Variants in GRIN2A observed in about 807,000 individuals in gnomAD.
The protein encoded by GRIN2A is glutamate receptor ionotropic, NMDA 2A.
Under a neutral mutation model 113.4 loss-of-function variants are expected in GRIN2A, and 22 were observed. That is an observed-to-expected ratio of 0.19 (90% CI 0.14 to 0.28). The LOEUF (loss-of-function observed/expected upper bound fraction) is 0.28, where lower values mean the gene tolerates loss of function less well. Ranked by LOEUF, GRIN2A falls within the 10% of genes least tolerant of loss-of-function variation. GRIN2A has a pLI of 1.00. For missense variants in GRIN2A, 1,502 were observed against 1,887.0 expected, an observed-to-expected ratio of 0.80 and a Z score of 3.78; for synonymous variants, 827 against 738.4, an observed-to-expected ratio of 1.12 and a Z score of -1.94.
chr16:9,871,265 T>G (rs1376911437), intron 4 of GRIN2A, among the ~76,000 whole-genome samples: 3 of 152,128 alleles, frequency 2.0e-5, no homozygotes, highest in Non-Finnish European at 4.4e-5. Context: ...AGAAACAGTT[T>G]TCTGGCTCCT....
At chr16:10,035,019 T>C (rs551115600) in intron 2 of GRIN2A, among the ~76,000 whole-genome samples, 2 of 152,116 alleles carry the variant, frequency 1.3e-5, no homozygotes, top group South Asian at 4.1e-4. Flanking sequence ...TTTGACTTCA[T>C]CTTCACTTTC....
chr16:9,784,760 C>G (rs1311221573), intron 11 of GRIN2A, among the ~76,000 whole-genome samples: 1 of 152,086 alleles, frequency 6.6e-6, no homozygotes, highest in African/African-American at 2.4e-5. Flanking sequence ...AACAAACAAC[C>G]CCATCAAAAA....
At chr16:9,900,385 A>C (rs1471121217) in intron 3 of GRIN2A, among the ~76,000 whole-genome samples, 1 of 152,102 alleles carries the variant, frequency 6.6e-6, no homozygotes, top group Non-Finnish European at 1.5e-5. Flanking sequence ...TGGGCATCCA[A>C]CTCTATTCAG....
intron 2 of GRIN2A, among the ~76,000 whole-genome samples, chr16:10,177,339 C>A (rs1373770129): frequency 6.6e-6 from 1 of 152,150 alleles, no homozygotes; most frequent in Non-Finnish European, 1.5e-5. Flanking sequence ...ACATGGGGAC[C>A]AGACATATAC....
At position 10,021,816 on chromosome 16, in the gene GRIN2A, C is replaced by T. The variant is rs139381446; in HGVS notation, c.415-83265G>A. 4.7e-4 allele frequency among the ~76,000 whole-genome samples: 71 copies of T among 152,020 alleles called. 1 individual carries two copies. The highest frequency in any genetic ancestry group is 4.9e-4 in the Non-Finnish European group (33 of 67,986). On this transcript the variant is annotated intron_variant, in intron 2 of 12. Coordinates refer to ENST00000330684, the MANE Select transcript of GRIN2A (RefSeq NM_001134407.3). ...TGCCAAAGTCAATGTCCATCAAGCC[C>T]GTTCAGGACACTCTGAGTGACCTTA...
intron 2 of GRIN2A, among the ~76,000 whole-genome samples, chr16:10,024,129 C>A (rs965364705): frequency 5.9e-5 from 9 of 152,190 alleles, no homozygotes; most frequent in African/African-American, 1.9e-4. Context: ...AAATCGAGCC[C>A]ATGAGGCTTC....
chr16:10,021,904 G>C (rs1275432063), intron 2 of GRIN2A, among the ~76,000 whole-genome samples: 1 of 152,022 alleles, frequency 6.6e-6, no homozygotes, highest in South Asian at 2.1e-4. Flanking sequence ...CCCAGTGATG[G>C]GGATCATCAT....
At chr16:9,968,307 T>C (rs55971360) in intron 2 of GRIN2A, among the ~76,000 whole-genome samples, 38 of 152,004 alleles carry the variant, frequency 2.5e-4, no homozygotes, top group Non-Finnish European at 4.1e-4. Context: ...TATGTATGTA[T>C]ACATGTACGT....
intron 2 of GRIN2A, among the ~76,000 whole-genome samples, chr16:9,957,799 T>C (rs2045340634): frequency 6.6e-6 from 1 of 152,166 alleles, no homozygotes; most frequent in Non-Finnish European, 1.5e-5. Context: ...CTGGACCTCT[T>C]TGAACCTCAC....
At chr16:9,923,354 G>A (rs1248329373) in intron 3 of GRIN2A, among the ~76,000 whole-genome samples, 1 of 152,030 alleles carries the variant, frequency 6.6e-6, no homozygotes, top group Non-Finnish European at 1.5e-5. Context: ...TTTAAAGTGG[G>A]TTTCTTATGG....
At chr16:9,792,305 C>T (rs1040240212) in intron 11 of GRIN2A, among the ~76,000 whole-genome samples, 2 of 152,138 alleles carry the variant, frequency 1.3e-5, no homozygotes, top group Non-Finnish European at 2.9e-5. Context: ...TCACTGCAGC[C>T]TCAAACTCCT....
intron 2 of GRIN2A, among the ~76,000 whole-genome samples, chr16:10,056,309 C>T (rs974349199): frequency 2.0e-5 from 3 of 152,096 alleles, no homozygotes; most frequent in Non-Finnish European, 1.5e-5. Context: ...TTGATCCATT[C>T]AACCCTACAT....
intron 2 of GRIN2A, among the ~76,000 whole-genome samples, chr16:10,118,289 G>T (rs892232866): frequency 6.6e-6 from 1 of 152,126 alleles, no homozygotes; most frequent in African/African-American, 2.4e-5. Flanking sequence ...TTTGGCTTCA[G>T]GTTCTCATTT....
Position 9,762,160 on chromosome 16 carries a change from T to C in GRIN2A, c.*989A>G, listed in dbSNP as rs1900613094. On this transcript the variant is annotated 3_prime_UTR_variant, in exon 13 of 13. Coordinates refer to ENST00000330684, the MANE Select transcript of GRIN2A (RefSeq NM_001134407.3). ...TCTGGGAAGAGCGATACACAGCTAATTGGACACCACCATGGCTGTTTGGAA... is the reference window on the plus strand; with the variant it reads ...TCTGGGAAGAGCGATACACAGCTAACTGGACACCACCATGGCTGTTTGGAA... The C allele has an allele frequency of 4.6e-6, 1 of 217,698 alleles. No homozygotes were observed. Among genetic ancestry groups the C allele is most frequent in the South Asian group, 1.8e-4 (1 of 5,410 alleles). 13.5% of individuals were successfully genotyped at this position (217,698 alleles called of 1,614,324 possible).
intron 3 of GRIN2A, among the ~76,000 whole-genome samples, chr16:9,891,567 T>A (rs976670026): frequency 6.6e-5 from 10 of 152,168 alleles, no homozygotes; most frequent in African/African-American, 2.4e-4. Flanking sequence ...TGAACATAAT[T>A]CCCACCCTCA....
chr16:9,953,356 C>T (rs1199066841), intron 2 of GRIN2A, among the ~76,000 whole-genome samples: 2 of 152,150 alleles, frequency 1.3e-5, no homozygotes, highest in African/African-American at 2.4e-5. Context: ...AGCACCTAGC[C>T]TTGTACCTGA....
intron 2 of GRIN2A, among the ~76,000 whole-genome samples, chr16:10,069,932 T>C (rs2047718535): frequency 6.6e-6 from 1 of 152,030 alleles, no homozygotes; most frequent in Admixed American, 6.5e-5. Context: ...CAGTTAAGGG[T>C]GGGGAGCAAG....
intron 2 of GRIN2A, chr16:9,970,637 A>G (rs1046548290): frequency 8.0e-5 from 23 of 285,716 alleles, no homozygotes; most frequent in Non-Finnish European, 1.1e-4. Context: ...TGTGAATTTA[A>G]AAAAAATCAT....
rs577214098 is a variant in GRIN2A, at chr16:9,927,100, T to C, written c.1007+10859A>G. Among the ~76,000 whole-genome samples, 16 of 152,338 alleles carry C rather than the reference T, an allele frequency of 1.1e-4. No homozygotes were observed. The East Asian group carries it at 2.9e-3, about 28-fold the overall frequency. ...TAGTCCTGTTTACTTATCTGTAATA[T>C]GAATCATGATTTTTAATTGACCTGC... On this transcript the variant is annotated intron_variant, in intron 3 of 12. Coordinates refer to ENST00000330684, the MANE Select transcript of GRIN2A (RefSeq NM_001134407.3).
Sources: allele counts gnomAD v4.1 joint callset (sites outside exome capture counted in the v4.1 genomes callset), GRCh38; gene constraint gnomAD v4.1.1; transcripts MANE v1.5; gene names NCBI Gene and HGNC (gene_info 2026-07-23, HGNC 2026-07-21).